Variants in AFDN observed in about 807,000 individuals in gnomAD.
The protein encoded by AFDN is afadin, adherens junction formation factor.
In AFDN, 68 loss-of-function variants were observed where a neutral mutation model predicts 216.6. The ratio of observed to expected loss-of-function variants is 0.31; its 90% confidence interval spans 0.26 to 0.38. The LOEUF (loss-of-function observed/expected upper bound fraction) is 0.38. AFDN is among the 10% of genes least tolerant of loss of function. The probability of loss-of-function intolerance (pLI) is 1.00; values close to 1 mark genes in which losing one functional copy is unlikely to be tolerated. For synonymous variants in AFDN, 868 were observed against 853.7 expected (o/e 1.02, Z -0.29); for missense variants, 2,136 against 2,342.0 (o/e 0.91, Z 1.82).
chr6:167,831,914 A>G (rs1023855179), intron 1 of AFDN, among the ~76,000 whole-genome samples: 4 of 152,240 alleles, frequency 2.6e-5, no homozygotes, highest in African/African-American at 9.6e-5. Flanking sequence ...ACTAATAAGT[A>G]GGATAGCATT....
At chr6:167,908,255 C>T (rs1397597041) in intron 13 of AFDN, among the ~76,000 whole-genome samples, 1 of 152,216 alleles carries the variant, frequency 6.6e-6, no homozygotes, top group East Asian at 1.9e-4. Flanking sequence ...TCTTCAGTTT[C>T]CCAACTTCCA....
chr6:167,957,527 C>T (rs1194587967), intron 30 of AFDN, among the ~76,000 whole-genome samples: 3 of 152,164 alleles, frequency 2.0e-5, no homozygotes, highest in Non-Finnish European at 4.4e-5. Flanking sequence ...GTGTGTAAGT[C>T]ATGTTCAAAC....
chr6:167,872,473 A>C, intron 4 of AFDN, 96 bp downstream of exon 4: 1 of 1,315,970 alleles, frequency 7.6e-7, no homozygotes, highest in Non-Finnish European at 1.1e-6. Flanking sequence ...AATTATGGAA[A>C]GGATGAGTAT....
rs773875140 is a variant in AFDN at position 167,872,364 on chromosome 6, C to G, written c.565C>G (p.Gln189Glu). 1.2e-5 allele frequency: 19 copies of G among 1,609,188 alleles called. No individual in the cohort carries two copies. In the South Asian group the frequency reaches 1.6e-4, roughly 13 times the overall value. The change falls in exon 4 of 34, where the codon CAA becomes GAA. Residue 189 changes from glutamine to glutamate, a missense_variant. Physicochemically the swap from Gln to Glu is conservative, Grantham distance 29. This residue lies in a region of AFDN where 817 missense variants were observed against 965.7 expected (regional missense o/e 0.85). Coordinates refer to ENST00000683244, the MANE Select transcript of AFDN (RefSeq NM_001386888.1). The stretch of plus-strand genomic sequence containing the variant: ...ATCTGATAAAGATGATAGACCTTTC[C>G]AAGGGGAGGATGTGTAAGTCAGTTT... ...QASDKDDRPFQGEDVENSRLA... is the reference protein window; with the variant it reads ...QASDKDDRPFEGEDVENSRLA...
intron 1 of AFDN, among the ~76,000 whole-genome samples, chr6:167,831,917 A>G (rs3800513): frequency 0.29 from 44,425 of 152,138 alleles, 7,001 homozygotes; most frequent in Middle Eastern, 0.39. Flanking sequence ...AATAAGTAGG[A>G]TAGCATTTAT....
intron 30 of AFDN, among the ~76,000 whole-genome samples, chr6:167,955,126 G>T (rs116168557): frequency 0.011 from 1,631 of 152,106 alleles, 35 homozygotes; most frequent in African/African-American, 0.037. Context: ...GCTTGCGTAT[G>T]GTATCTTTAT....
At chr6:167,933,862 C>G (rs1037779515) in intron 23 of AFDN, among the ~76,000 whole-genome samples, 2 of 152,046 alleles carry the variant, frequency 1.3e-5, no homozygotes, top group African/African-American at 4.8e-5. Context: ...TAGAGTTTAC[C>G]TGGATGTAGA....
At position 167,907,296 on chromosome 6, in the gene AFDN, AAC is replaced by A; in HGVS notation, c.1769+11_1769+12del. 2.5e-6 allele frequency: 4 copies of A among 1,604,888 alleles called. No individual in the cohort carries two copies. The highest frequency in any genetic ancestry group is 1.7e-6 in the Non-Finnish European group (2 of 1,171,660). ...ATCGCAGGCAAGAAAGCAGGTAGGAAACACATCATTTTTCAATGGTGAAAGTA... is the reference window on the plus strand; with the variant it reads ...ATCGCAGGCAAGAAAGCAGGTAGGAAACATCATTTTTCAATGGTGAAAGTA... On this transcript the variant is annotated splice_region_variant and intron_variant, in intron 13 of 33. Coordinates refer to ENST00000683244, the MANE Select transcript of AFDN (RefSeq NM_001386888.1).
At chr6:167,957,739 T>C (rs1010851285) in intron 30 of AFDN, among the ~76,000 whole-genome samples, 2 of 152,198 alleles carry the variant, frequency 1.3e-5, no homozygotes, top group East Asian at 1.9e-4. Context: ...GTTAGGACCA[T>C]GGAGGTGGCC....
chr6:167,832,946 A>G (rs926761578), intron 1 of AFDN, among the ~76,000 whole-genome samples: 3 of 152,218 alleles, frequency 2.0e-5, no homozygotes, highest in African/African-American at 7.2e-5. Context: ...TGTGAGTACA[A>G]GTGGGCACTA....
rs540233046 is a variant in AFDN at position 167,851,550 on chromosome 6, A to G, written c.106-13001A>G. On this transcript the variant is annotated intron_variant, in intron 1 of 33. Coordinates refer to ENST00000683244, the MANE Select transcript of AFDN (RefSeq NM_001386888.1). Reference sequence around the variant, plus strand: ...TTGTAGACAGGAAGTAATATTTATCAAGTGCCTCATATGTGGCAGGTTCCT... The same window carrying G: ...TTGTAGACAGGAAGTAATATTTATCGAGTGCCTCATATGTGGCAGGTTCCT... 5.9e-5 allele frequency among the ~76,000 whole-genome samples: 9 copies of G among 152,316 alleles called. No homozygotes were observed. The East Asian group carries it at 1.5e-3, about 26-fold the overall frequency.
chr6:167,951,533 G>A lies in AFDN; in HGVS notation c.4179G>A (p.Leu1393=). The A allele has an allele frequency of 3.7e-6, 6 of 1,613,862 alleles. No individual in the cohort carries two copies. The highest frequency in any genetic ancestry group is 5.1e-6 in the Non-Finnish European group (6 of 1,179,870). ...AGDFDGMSMD[L]PLPPPPSANQ... Reference sequence around the variant, plus strand: ...ATTTCGATGGAATGTCCATGGATTTGCCTCTCCCACCACCCCCTTCCGCCA... The same window carrying A: ...ATTTCGATGGAATGTCCATGGATTTACCTCTCCCACCACCCCCTTCCGCCA... The change falls in exon 30 of 34, where the codon TTG becomes TTA. Residue 1393 remains leucine, a synonymous_variant. Coordinates refer to ENST00000683244, the MANE Select transcript of AFDN (RefSeq NM_001386888.1). This position sits in a 1 kb window ranked among gnomAD's most constrained non-coding sequence, Gnocchi z 7.1.
chr6:167,936,956 A>G (rs1583474614), intron 23 of AFDN, among the ~76,000 whole-genome samples: 1 of 152,222 alleles, frequency 6.6e-6, no homozygotes, highest in Non-Finnish European at 1.5e-5. Flanking sequence ...TACCAGTAGA[A>G]CTGTAATTTC....
At chr6:167,912,655 A>G (rs1483136215) in intron 15 of AFDN, among the ~76,000 whole-genome samples, 2 of 152,196 alleles carry the variant, frequency 1.3e-5, no homozygotes, top group Non-Finnish European at 2.9e-5. Flanking sequence ...TCTGTCTTCT[A>G]TCATGTTTGG....
chr6:167,964,224 C>T (rs1797312023), intron 31 of AFDN: 1 of 1,064,108 alleles, frequency 9.4e-7, no homozygotes, highest in Non-Finnish European at 1.1e-6. Context: ...ATGTCCAAAA[C>T]TCATGGGTTT....
intron 21 of AFDN, among the ~76,000 whole-genome samples, chr6:167,920,128 A>T (rs1489034971): frequency 1.3e-5 from 2 of 152,148 alleles, no homozygotes; most frequent in Non-Finnish European, 2.9e-5. Flanking sequence ...CCAAGGTGAG[A>T]TGAGGCTGGG....
In AFDN at chr6:167,880,522, G is replaced by A. The variant is rs373248966; in HGVS notation, c.897+5G>A. ...AAGGATTACTGCATCGCCCGGGTAAGGAACTTTATCAAATCAGTAGTTCTT... is the reference window on the plus strand; with the variant it reads ...AAGGATTACTGCATCGCCCGGGTAAAGAACTTTATCAAATCAGTAGTTCTT... On this transcript the variant is annotated splice_donor_5th_base_variant and intron_variant, in intron 6 of 33. Transcript: ENST00000683244. 8.7e-6 allele frequency: 14 copies of A among 1,612,602 alleles called. No individual in the cohort carries two copies. The highest frequency in any genetic ancestry group is 1.2e-5 in the Non-Finnish European group (14 of 1,179,392).
At chr6:167,953,099 T>C (rs1796171169) in intron 30 of AFDN, among the ~76,000 whole-genome samples, 1 of 152,230 alleles carries the variant, frequency 6.6e-6, no homozygotes, top group South Asian at 2.1e-4. Flanking sequence ...ATTGACCATA[T>C]TGTGTTCATG....
chr6:167,963,246 G>T, intron 31 of AFDN: 1 of 1,063,570 alleles, frequency 9.4e-7, no homozygotes, highest in Non-Finnish European at 1.1e-6. Flanking sequence ...CTGTGTGTGT[G>T]GCCGACGCCC....
Sources: allele counts gnomAD v4.1 joint callset (sites outside exome capture counted in the v4.1 genomes callset), GRCh38; gene constraint gnomAD v4.1.1; regional missense constraint gnomAD v4.1.1; non-coding constraint Gnocchi (gnomAD v3.1); transcripts MANE v1.5; gene names NCBI Gene and HGNC (gene_info 2026-07-23, HGNC 2026-07-21).